The following MAOA variants were observed in gnomAD, a reference collection of about 807,000 sequenced individuals.
MAOA encodes the protein monoamine oxidase A.
A neutral mutation model predicts 42.0 loss-of-function variants in MAOA; 6 were observed. That is an observed-to-expected ratio of 0.14 (90% CI 0.08 to 0.28). The LOEUF (loss-of-function observed/expected upper bound fraction) is 0.28. MAOA is among the 10% of genes least tolerant of loss of function. The pLI is 1.00. For synonymous variants in MAOA, 140 were observed against 154.0 expected, an observed-to-expected ratio of 0.91 and a Z score of 0.67; for missense variants, 262 against 422.3, an observed-to-expected ratio of 0.62 and a Z score of 3.33.
At chrX:43,699,354 ATTT>A (rs66493247) in intron 3 of MAOA, among the ~76,000 whole-genome samples, 12 of 91,682 alleles carry the variant, frequency 1.3e-4, no homozygotes, top group Non-Finnish European at 1.7e-4. Context: ...GTTGGATTCC[ATTT>A]TTTTTTTTTT....
At chrX:43,671,276 T>C (rs2033331563) in intron 1 of MAOA, among the ~76,000 whole-genome samples, 1 of 106,726 alleles carries the variant, frequency 9.4e-6, no homozygotes, top group Non-Finnish European at 1.9e-5. Flanking sequence ...TTCACCCACT[T>C]TTTGATGGGG....
At chrX:43,658,096 A>G (rs1222985092) in intron 1 of MAOA, 1 of 154,631 alleles carries the variant, frequency 6.5e-6, no homozygotes, top group Non-Finnish European at 1.1e-5. Flanking sequence ...TGGTCCCACT[A>G]GGCAAGCCTC....
At chrX:43,698,173 C>T (rs1441326368) in intron 3 of MAOA, among the ~76,000 whole-genome samples, 1 of 112,450 alleles carries the variant, frequency 8.9e-6, no homozygotes, top group Non-Finnish European at 1.9e-5. Flanking sequence ...ATTGCTTCAG[C>T]TCTTAAATTT....
intron 3 of MAOA, among the ~76,000 whole-genome samples, chrX:43,698,602 A>T (rs2033598957): frequency 8.9e-6 from 1 of 112,435 alleles, no homozygotes. Context: ...TGAACAAATG[A>T]TCAAAATTTC....
intron 2 of MAOA, among the ~76,000 whole-genome samples, chrX:43,684,879 T>C (rs182082441): frequency 4.0e-4 from 39 of 96,340 alleles, no homozygotes; most frequent in African/African-American, 1.4e-3. Flanking sequence ...CTTTTCTTTT[T>C]TTTTTTTTTT....
rs974490222 is a variant in MAOA at position 43,684,638 on chromosome X, T to G, written c.168+1031T>G. Among the ~76,000 whole-genome samples the G allele has an allele frequency of 2.7e-5, 3 of 111,089 alleles. No homozygotes were observed. In the East Asian group the frequency reaches 8.5e-4, roughly 32 times the overall value. The stretch of plus-strand genomic sequence containing the variant: ...CCTTTGCTAGAGTACACAAATAGAG[T>G]GTTAAAGACTAGGGATTGAGAGTAA... On this transcript the variant is annotated intron_variant, in intron 2 of 14. Transcript: ENST00000338702.
chrX:43,711,009 T>C (rs1364778955), intron 3 of MAOA, among the ~76,000 whole-genome samples: 1 of 111,647 alleles, frequency 9.0e-6, no homozygotes, highest in Non-Finnish European at 1.9e-5. Flanking sequence ...CACTTGGCCA[T>C]GGGGAAAGAA....
At position 43,744,145 on chromosome X, in the gene MAOA, A is replaced by C. The variant is rs766439090; in HGVS notation, c.1411A>C (p.Ile471Leu). 8.3e-7 allele frequency: 1 copy of C among 1,209,088 alleles called. No individual in the cohort carries two copies. Among genetic ancestry groups the C allele is most frequent in the Admixed American group, 2.2e-5 (1 of 45,980 alleles). ...NGLGKVTEKD[I>L]WVQEPESKDV... is the part of the protein sequence containing the mutation. ...TCTCGGGAAGGTGACCGAGAAAGAT[A>C]TCTGGGTACAAGAACCTGAATCAAA... Residue 471 changes from isoleucine to leucine, a missense_variant, in exon 14 of 15, where the codon ATC becomes CTC. Around this residue, in one of 3 missense-constraint regions of MAOA, gnomAD observed 86 missense variants for 190.3 expected, o/e 0.45. Coordinates refer to ENST00000338702, the MANE Select transcript of MAOA (RefSeq NM_000240.4).
chrX:43,737,627 T>G (rs1286259987), intron 10 of MAOA, among the ~76,000 whole-genome samples: 1 of 111,425 alleles, frequency 9.0e-6, no homozygotes, highest in Non-Finnish European at 1.9e-5. Flanking sequence ...GCTAGTTCCC[T>G]CCAGCCCATT....
chrX:43,686,406 C>G (rs2033487657), intron 2 of MAOA, among the ~76,000 whole-genome samples: 1 of 112,289 alleles, frequency 8.9e-6, no homozygotes, highest in Non-Finnish European at 1.9e-5. Flanking sequence ...CATTACACCC[C>G]CCTTAGGAAT....
At chrX:43,731,599 C>A in intron 7 of MAOA, 95 bp from the exon 8 acceptor site, 1 of 952,236 alleles carries the variant, frequency 1.1e-6, no homozygotes, top group Non-Finnish European at 1.5e-6. Context: ...TTTTACTGCT[C>A]AATGTTGTTT....
At chrX:43,656,675 A>G (rs1250293304) in intron 1 of MAOA, among the ~76,000 whole-genome samples, 3 of 111,422 alleles carry the variant, frequency 2.7e-5, no homozygotes, top group Non-Finnish European at 5.6e-5. Context: ...GTGCAGTTGT[A>G]TTTAGCACTT....
intron 1 of MAOA, among the ~76,000 whole-genome samples, chrX:43,672,605 C>T (rs1489443641): frequency 9.9e-5 from 11 of 111,469 alleles, no homozygotes; most frequent in African/African-American, 2.3e-4. Flanking sequence ...CTTATTATTT[C>T]GAGATACGTC....
At position 43,740,673 on chromosome X, in the gene MAOA, T is replaced by C. The variant is rs374790174; in HGVS notation, c.1107-8T>C. ...TTATTTTTTTTTTTTTTTGGCTCTG[T>C]TTTATAGGAAGAAGAAAATCTGTGA... On this transcript the variant is annotated splice_polypyrimidine_tract_variant and splice_region_variant and intron_variant, in intron 10 of 14. Coordinates refer to ENST00000338702, the MANE Select transcript of MAOA (RefSeq NM_000240.4). 1 of 1,186,895 alleles carries C rather than the reference T, an allele frequency of 8.4e-7. No homozygotes were observed. The highest frequency in any genetic ancestry group is 1.1e-6 in the Non-Finnish European group (1 of 882,318).
In MAOA at chrX:43,741,282, G is replaced by A. The variant is rs139930436; in HGVS notation, c.1164+544G>A. Reference sequence around the variant, plus strand: ...AAAGCAATTAGGAGAATGAAATTACGTCTTTTTGAAAAAAAAAATAGAATG... The same window carrying A: ...AAAGCAATTAGGAGAATGAAATTACATCTTTTTGAAAAAAAAAATAGAATG... On this transcript the variant is annotated intron_variant, in intron 11 of 14. Coordinates refer to ENST00000338702, the MANE Select transcript of MAOA (RefSeq NM_000240.4). Among the ~76,000 whole-genome samples the A allele has an allele frequency of 4.1e-4, 45 of 109,803 alleles. No homozygotes were observed. In the East Asian group the frequency reaches 0.013, roughly 31 times the overall value.
Position 43,744,759 on chromosome X carries a change from G to C in MAOA, c.*246G>C, listed in dbSNP as rs748858912. On this transcript the variant is annotated 3_prime_UTR_variant, in exon 15 of 15. Coordinates refer to ENST00000338702, the MANE Select transcript of MAOA (RefSeq NM_000240.4). ...ATGTTAATTGATAGAATAAAGCCTTGTGATCACTTTCTGAAATTCACAAAG... is the reference window on the plus strand; with the variant it reads ...ATGTTAATTGATAGAATAAAGCCTTCTGATCACTTTCTGAAATTCACAAAG... 2.5e-6 allele frequency: 1 copy of C among 406,147 alleles called. No homozygotes were observed. The highest frequency in any genetic ancestry group is 4.2e-5 in the Admixed American group (1 of 24,064). 33.5% of individuals were successfully genotyped at this position (406,147 alleles called of 1,213,427 possible).
rs773216160 is a variant in MAOA, at chrX:43,742,054, C to A, written c.1262+7C>A. On this transcript the variant is annotated splice_region_variant and intron_variant, in intron 12 of 14. Coordinates refer to ENST00000338702, the MANE Select transcript of MAOA (RefSeq NM_000240.4). ...TCATGACTCAATATGGAAGGTATTACGCAAGCACTACGCCAATTAATCCAA... is the reference window on the plus strand; with the variant it reads ...TCATGACTCAATATGGAAGGTATTAAGCAAGCACTACGCCAATTAATCCAA... 8.3e-7 allele frequency: 1 copy of A among 1,211,218 alleles called. No homozygotes were observed. The highest frequency in any genetic ancestry group is 1.8e-5 in the South Asian group (1 of 56,864).
chrX:43,738,882 G>A (rs951485881), intron 10 of MAOA, among the ~76,000 whole-genome samples: 2 of 111,714 alleles, frequency 1.8e-5, no homozygotes, highest in African/African-American at 6.5e-5. Context: ...AATCATTGCC[G>A]ATACTTTCAT....
At chrX:43,655,088 C>T (rs2033164055), upstream of MAOA, 1 of 83,187 alleles carries the variant, frequency 1.2e-5, no homozygotes, top group African/African-American at 4.3e-5. Flanking sequence ...CCTCAGCCTC[C>T]TTCCCCGGCG....
Sources: allele counts gnomAD v4.1 joint callset (sites outside exome capture counted in the v4.1 genomes callset), GRCh38; gene constraint gnomAD v4.1.1; regional missense constraint gnomAD v4.1.1; transcripts MANE v1.5; gene names NCBI Gene and HGNC (gene_info 2026-07-23, HGNC 2026-07-21).